ZNF320: variants seen among roughly 807,000 people sequenced by gnomAD.
ZNF320 encodes the protein zinc finger gene 320.
A neutral mutation model predicts 6.8 loss-of-function variants in ZNF320; 2 were observed. The observed-to-expected ratio is 0.29, with a 90% CI of 0.12 to 0.93. The LOEUF is 0.93. Ranked by LOEUF, ZNF320 falls within the 40% of genes least tolerant of loss-of-function variation. The probability of loss-of-function intolerance (pLI) is 0.55; values close to 1 mark genes in which losing one functional copy is unlikely to be tolerated. For missense variants in ZNF320, 472 were observed against 611.0 expected (o/e 0.77, Z 2.40); for synonymous variants, 208 against 203.2 (o/e 1.02, Z -0.20).
In ZNF320 at chr19:52,880,622, A is replaced by C; in HGVS notation, c.1504T>G (p.Tyr502Asp). Residue 502 changes from tyrosine to aspartate, a missense_variant, in exon 6 of 6, where the codon TAT (tyrosine) becomes GAT (aspartate). Physicochemically the swap from Tyr to Asp is radical, Grantham distance 160 (BLOSUM62 -3). Coordinates refer to ENST00000682928, the MANE Select transcript of ZNF320 (RefSeq NM_001351774.2). ...FGDNCFKCNE[Y>D]SKPSSIN is the part of the protein sequence containing the mutation. ...CAATTAATGCTTGATGGTTTGCTAT[A>C]CTCATTGCACTTGAAACAATTGTCT... 1 of 1,611,372 alleles carries C rather than the reference A, an allele frequency of 6.2e-7. No homozygotes were observed. The highest frequency in any genetic ancestry group is 8.5e-7 in the Non-Finnish European group (1 of 1,178,732).
chr19:52,900,573 G>C (rs1452572288), upstream of ZNF320, among the ~76,000 whole-genome samples: 4 of 152,102 alleles, frequency 2.6e-5, no homozygotes, highest in African/African-American at 9.7e-5. Context: ...GTTTTTCCTG[G>C]AATCTTAGGT....
At chr19:52,900,801 T>C (rs2064568868), upstream of ZNF320, among the ~76,000 whole-genome samples, 4 of 152,168 alleles carry the variant, frequency 2.6e-5, no homozygotes, top group South Asian at 8.3e-4. Flanking sequence ...GGCTGACTTT[T>C]CTTTTTTGGA....
chr19:52,866,528 C>T (rs1054626186), intron 5 of ZNF320, among the ~76,000 whole-genome samples: 1 of 151,940 alleles, frequency 6.6e-6, no homozygotes, highest in Non-Finnish European at 1.5e-5. Flanking sequence ...TGTTTCCTAC[C>T]TTGAAAATGT....
intron 5 of ZNF320, chr19:52,883,776 A>T (rs1482730247): frequency 3.1e-6 from 1 of 321,836 alleles, no homozygotes; most frequent in African/African-American, 2.3e-5. Flanking sequence ...TGGCAGGTGC[A>T]TGTAATCCCA....
In ZNF320 at chr19:52,865,577, T is replaced by TTATA. The variant is rs1033229057; in HGVS notation, c.224-1422_224-1419dup. The TTATA allele has an allele frequency of 2.4e-4, 29 of 122,018 alleles. 1 individual carries two copies. Among genetic ancestry groups the TTATA allele is most frequent in the South Asian group, 1.1e-3 (5 of 4,352 alleles). The allele number at this position is 122,018 out of a possible 1,614,324, so 7.6% of individuals were successfully genotyped here. On this transcript the variant is annotated intron_variant, in intron 5 of 5. Coordinates refer to the ZNF320 transcript ENST00000673631. ...TATTTATATGATCATACATATATAT[T>TTATA]TATATGATTATACATATATTTATAT...
At position 52,868,976 on chromosome 19, in the gene ZNF320, T is replaced by A. The variant is rs62117500; in HGVS notation, c.224-4817A>T. On this transcript the variant is annotated intron_variant, in intron 5 of 5. Transcript: ENST00000673631. ...TCACGGGGAAATTGGGGTGTTCACT[T>A]TTACAAAGTCAATAGGCTGGTATTT... Among the ~76,000 whole-genome samples the A allele has an allele frequency of 5.7e-3, 859 of 149,522 alleles. 7 individuals carry two copies. The highest frequency in any genetic ancestry group is 0.02 in the African/African-American group (813 of 40,780).
exon 6 of ZNF320, chr19:52,863,904 G>C (rs544966856): frequency 9.5e-6 from 3 of 316,702 alleles, no homozygotes; most frequent in East Asian, 1.9e-4. Flanking sequence ...ATGGTGGCAC[G>C]TGCCTGGAAT....
rs138342793 is a variant in ZNF320 at position 52,880,856 on chromosome 19, G to T, written c.1270C>A (p.Arg424Ser). Residue 424 changes from arginine (R) to serine (S), a missense_variant, in exon 6 of 6, where the codon CGC (arginine) becomes AGC (serine). Physicochemically the swap from Arg to Ser is moderately radical, Grantham distance 110 (BLOSUM62 -1). This residue lies in a region of ZNF320 where 462 missense variants were observed against 559.7 expected (regional missense o/e 0.83). Transcript: ENST00000682928. ...CTATGTCTTTCAAGGTGTGATTTGC[G>T]AATGTAAACTTTGTCACATTCTTCA... ...ECEECDKVYI[R>S]KSHLERHRRI... is the part of the protein sequence containing the mutation. The T allele has an allele frequency of 1.1e-5, 18 of 1,613,802 alleles. No homozygotes were observed. The African/African-American group carries it at 2.3e-4, about 20-fold the overall frequency.
At chr19:52,885,919 T>A (rs918096850) in intron 5 of ZNF320, among the ~76,000 whole-genome samples, 1 of 151,912 alleles carries the variant, frequency 6.6e-6, no homozygotes, top group African/African-American at 2.4e-5. Context: ...ATACATAAAT[T>A]AATTAATTAA....
At chr19:52,889,141 G>A (rs982948506) in intron 4 of ZNF320, among the ~76,000 whole-genome samples, 7 of 151,476 alleles carry the variant, frequency 4.6e-5, no homozygotes, top group South Asian at 2.1e-4. Context: ...CCGAGAAATC[G>A]CCATTGCACT....
chr19:52,866,175 T>A (rs2063567378), intron 5 of ZNF320, among the ~76,000 whole-genome samples: 1 of 102,482 alleles, frequency 9.8e-6, no homozygotes, highest in Non-Finnish European at 1.9e-5. Context: ...TATTTATATA[T>A]ATGATTATAC....
intron 2 of ZNF320, chr19:52,893,295 AAATAAT>A (rs146794127): frequency 1.3e-5 from 2 of 151,378 alleles, no homozygotes; most frequent in Non-Finnish European, 2.9e-5. Context: ...GACTTTCTCA[AAATAAT>A]AATAATAACA....
chr19:52,866,653 T>C (rs1006350289), intron 5 of ZNF320, among the ~76,000 whole-genome samples: 2 of 151,982 alleles, frequency 1.3e-5, no homozygotes, highest in African/African-American at 4.8e-5. Flanking sequence ...GGAGGATCAC[T>C]TGAGGCCAGG....
chr19:52,890,460 TAAACTCCTACAGGA>T, intron 3 of ZNF320, 132 bp from the exon 4 acceptor site: 1 of 733,794 alleles, frequency 1.4e-6, no homozygotes, highest in East Asian at 2.9e-5. Flanking sequence ...CCAGGGATGA[TAAACTCCTACAGGA>T]AAACTCCCAC....
downstream of ZNF320, chr19:52,874,080 T>A: frequency 2.8e-6 from 1 of 362,978 alleles, no homozygotes; most frequent in South Asian, 2.3e-5. Flanking sequence ...ATCCTGTATG[T>A]GAAAAAAATC....
chr19:52,880,419 T>G lies in ZNF320; in HGVS notation c.*177A>C, dbSNP rs763964589. The G allele has an allele frequency of 5.3e-5, 29 of 550,690 alleles. No individual in the cohort carries two copies. Among genetic ancestry groups the G allele is most frequent in the Non-Finnish European group, 8.7e-5 (28 of 322,860 alleles). 34.1% of individuals were successfully genotyped at this position (550,690 alleles called of 1,614,324 possible). A position where few individuals can be genotyped will look rare whatever the true frequency, so the allele number is the denominator to read the frequency against. On this transcript the variant is annotated 3_prime_UTR_variant, in exon 6 of 6. Transcript: ENST00000682928. ...CTCCCGTCTGTTGGCCAGGCTGGTC[T>G]CAAATTCATGACCTCAAGTGACCTA...
downstream of ZNF320, among the ~76,000 whole-genome samples, chr19:52,875,715 G>T (rs1016405967): frequency 1.3e-5 from 2 of 151,884 alleles, no homozygotes. Flanking sequence ...GGGAGGCAGA[G>T]GTTGCAGTGA....
At chr19:52,860,093 T>C (rs1330748099), downstream of ZNF320, among the ~76,000 whole-genome samples, 1 of 152,054 alleles carries the variant, frequency 6.6e-6, no homozygotes, top group Non-Finnish European at 1.5e-5. Context: ...TTGGAATTTT[T>C]AGTAGAGACG....
chr19:52,884,078 TTTCTACCA>T (rs2064003093), intron 5 of ZNF320, among the ~76,000 whole-genome samples: 1 of 152,190 alleles, frequency 6.6e-6, no homozygotes, highest in African/African-American at 2.4e-5. Flanking sequence ...CCTGTTCCTC[TTTCTACCA>T]TATTGGGACA....
Sources: gnomAD v4.1 joint callset for allele counts (sites outside exome capture counted in the v4.1 genomes callset) on GRCh38, gnomAD v4.1.1 for gene constraint, gnomAD v4.1.1 regional missense constraint, MANE v1.5 for transcripts, NCBI Gene and HGNC (gene_info 2026-07-23, HGNC 2026-07-21) for gene names.